The following GAS7 variants were observed in gnomAD, a reference collection of about 807,000 sequenced individuals.
The protein encoded by GAS7 is growth arrest specific 7.
In GAS7, 28 loss-of-function variants were observed where a neutral mutation model predicts 71.1. The ratio of observed to expected loss-of-function variants is 0.39; its 90% CI spans 0.29 to 0.54. The LOEUF is 0.54. Among genes scored for constraint, GAS7 ranks in the 20% least tolerant of loss-of-function variants. GAS7 has a pLI of 0.62. For synonymous variants in GAS7, 258 were observed against 245.8 expected, an observed-to-expected ratio of 1.05 and a Z score of -0.46; for missense variants, 436 against 627.8, an observed-to-expected ratio of 0.69 and a Z score of 3.27.
intron 2 of GAS7, among the ~76,000 whole-genome samples, chr17:10,009,046 C>G (rs535998371): frequency 6.6e-6 from 1 of 152,006 alleles, no homozygotes; most frequent in Admixed American, 6.6e-5. Context: ...TGGGGCCGGG[C>G]GCGGTGGCTC....
At chr17:9,980,740 G>C (rs958752268) in intron 3 of GAS7, among the ~76,000 whole-genome samples, 5 of 152,200 alleles carry the variant, frequency 3.3e-5, no homozygotes, top group African/African-American at 1.2e-4. Context: ...TTACAGTCTA[G>C]CATGGGAGAG....
rs1158379710 is a variant in GAS7 at position 10,016,602 on chromosome 17, CAAAAAAA to C, written c.304+3168_304+3174del. Among the ~76,000 whole-genome samples the C allele has an allele frequency of 1.1e-4, 9 of 84,740 alleles. No individual in the cohort carries two copies. The East Asian group carries it at 1.5e-3, about 15-fold the overall frequency. 55.6% of individuals were successfully genotyped at this position (84,740 alleles called of 152,430 possible). A position where few individuals can be genotyped will look rare whatever the true frequency, so the allele number is the denominator to read the frequency against. On this transcript the variant is annotated intron_variant, in intron 2 of 13. Coordinates refer to ENST00000432992, the MANE Select transcript of GAS7 (RefSeq NM_201433.2). ...CAACATACTGAAACCCTGTCTCTAC[CAAAAAAA>C]AAAAAAAAAAAAAAACAAAACAAAA...
At chr17:10,192,399 T>G (rs1283059576) in intron 1 of GAS7, among the ~76,000 whole-genome samples, 1 of 152,188 alleles carries the variant, frequency 6.6e-6, no homozygotes, top group African/African-American at 2.4e-5. Context: ...ATACCTTACA[T>G]GTACACAAGG....
intron 1 of GAS7, among the ~76,000 whole-genome samples, chr17:10,187,233 G>A (rs1199820391): frequency 2.6e-5 from 4 of 152,134 alleles, no homozygotes; most frequent in African/African-American, 2.4e-5. Context: ...CACACACTGG[G>A]CGTTCCATCA....
chr17:10,106,689 G>A (rs1251174937), intron 1 of GAS7, among the ~76,000 whole-genome samples: 1 of 152,050 alleles, frequency 6.6e-6, no homozygotes, highest in East Asian at 1.9e-4. Flanking sequence ...AGAACTCCTG[G>A]GGAGTGACCG....
At chr17:10,188,289 G>A (rs541924697) in intron 1 of GAS7, among the ~76,000 whole-genome samples, 14 of 152,174 alleles carry the variant, frequency 9.2e-5, no homozygotes, top group African/African-American at 3.4e-4. Context: ...AACCCCTTCC[G>A]CATGTTCTGA....
intron 1 of GAS7, among the ~76,000 whole-genome samples, chr17:10,183,525 G>A (rs574167735): frequency 6.6e-6 from 1 of 152,172 alleles, no homozygotes; most frequent in South Asian, 2.1e-4. Context: ...ATCCTCAGAG[G>A]AGCCCTGGGA....
intron 1 of GAS7, among the ~76,000 whole-genome samples, chr17:10,152,955 T>A (rs2142109504): frequency 6.6e-6 from 1 of 151,598 alleles, no homozygotes; most frequent in South Asian, 2.1e-4. Flanking sequence ...ACCCAGCACT[T>A]TGGGAGGCGG....
At chr17:10,068,842 G>A (rs150355815) in intron 1 of GAS7, among the ~76,000 whole-genome samples, 1 of 152,094 alleles carries the variant, frequency 6.6e-6, no homozygotes, top group Non-Finnish European at 1.5e-5. Flanking sequence ...CTGGGACAAG[G>A]TCCTGAGAAA....
chr17:9,949,063 G>A (rs925365548), intron 5 of GAS7, among the ~76,000 whole-genome samples: 1 of 152,120 alleles, frequency 6.6e-6, no homozygotes, highest in African/African-American at 2.4e-5. Flanking sequence ...CACAGAAACT[G>A]CAGCTGGGAC....
At chr17:9,942,898 A>AT (rs2068654316) in intron 7 of GAS7, among the ~76,000 whole-genome samples, 2 of 151,514 alleles carry the variant, frequency 1.3e-5, no homozygotes, top group African/African-American at 4.9e-5. Context: ...AAATCTACCC[A>AT]TTTTTTTAAG....
chr17:9,914,575 G>A lies in GAS7; in HGVS notation c.*2653C>T, dbSNP rs371481539. 1.5e-5 allele frequency: 3 copies of A among 201,536 alleles called. No individual in the cohort carries two copies. Among genetic ancestry groups the A allele is most frequent in the African/African-American group, 2.3e-5 (1 of 43,560 alleles). The allele number at this position is 201,536 out of a possible 1,614,324, so 12.5% of individuals were successfully genotyped here. On this transcript the variant is annotated 3_prime_UTR_variant, in exon 14 of 14. Coordinates refer to ENST00000432992, the MANE Select transcript of GAS7 (RefSeq NM_201433.2). ...GCAAACAGAGAAATTTCTGAAATTC[G>A]AATTGGATATGGGCCGTGAGGGTCT...
intron 1 of GAS7, among the ~76,000 whole-genome samples, chr17:10,174,981 G>A (rs1270435687): frequency 6.6e-6 from 1 of 152,060 alleles, no homozygotes; most frequent in Non-Finnish European, 1.5e-5. Context: ...GAGTAGCTGG[G>A]ACCACACGTG....
intron 1 of GAS7, among the ~76,000 whole-genome samples, chr17:10,094,150 T>C (rs1172853306): frequency 1.3e-5 from 2 of 152,208 alleles, no homozygotes; most frequent in Non-Finnish European, 2.9e-5. Flanking sequence ...ATCGCTAACC[T>C]AAGGCAAAGA....
chr17:10,191,229 T>C (rs972914602), intron 1 of GAS7, among the ~76,000 whole-genome samples: 6 of 150,600 alleles, frequency 4.0e-5, no homozygotes, highest in Non-Finnish European at 5.9e-5. Context: ...TCAAAGGCCA[T>C]CCTGGGCCAC....
chr17:10,044,336 T>G (rs958542431), intron 1 of GAS7, among the ~76,000 whole-genome samples: 5 of 152,220 alleles, frequency 3.3e-5, no homozygotes, highest in Non-Finnish European at 5.9e-5. Context: ...TCTCAACACC[T>G]GAGCTCACTG....
intron 1 of GAS7, among the ~76,000 whole-genome samples, chr17:10,169,399 C>T (rs569909891): frequency 6.6e-6 from 1 of 152,166 alleles, no homozygotes; most frequent in African/African-American, 2.4e-5. Context: ...GGTGGGGTTA[C>T]GGACAGGCAA....
chr17:10,018,273 A>C (rs2072119601), intron 2 of GAS7, among the ~76,000 whole-genome samples: 1 of 152,216 alleles, frequency 6.6e-6, no homozygotes, highest in Admixed American at 6.5e-5. Context: ...AAAAAAGATA[A>C]AGATGCTGAA....
Position 10,169,241 on chromosome 17 carries a change from G to C in GAS7, c.183+28967C>G, listed in dbSNP as rs140027702. Among the ~76,000 whole-genome samples the C allele has an allele frequency of 2.9e-3, 442 of 152,142 alleles. 4 individuals carry two copies. The highest frequency in any genetic ancestry group is 0.01 in the African/African-American group (416 of 41,478). Reference sequence around the variant, plus strand: ...AGATCATGTCATTGCACTCCAGCCTGGGCAACAAGAGCAAGACTTCGACTC... The same window carrying C: ...AGATCATGTCATTGCACTCCAGCCTCGGCAACAAGAGCAAGACTTCGACTC... On this transcript the variant is annotated intron_variant, in intron 1 of 13. Coordinates refer to ENST00000432992, the MANE Select transcript of GAS7 (RefSeq NM_201433.2).
Sources: allele counts gnomAD v4.1 joint callset (sites outside exome capture counted in the v4.1 genomes callset), GRCh38; gene constraint gnomAD v4.1.1; transcripts MANE v1.5; gene names NCBI Gene and HGNC (gene_info 2026-07-23, HGNC 2026-07-21).